Variants in TANC2 observed in about 807,000 individuals in gnomAD.
TANC2 encodes protein TANC2.
A neutral mutation model predicts 210.5 loss-of-function variants in TANC2; 26 were observed. The ratio of observed to expected loss-of-function variants is 0.12; its 90% CI spans 0.09 to 0.17. The LOEUF (loss-of-function observed/expected upper bound fraction) is 0.17, where lower values mean the gene tolerates loss of function less well. Among genes scored for constraint, TANC2 ranks in the 10% least tolerant of loss-of-function variants. TANC2 has a pLI of 1.00. For missense variants in TANC2, 2,129 were observed against 2,608.9 expected (o/e 0.82, Z 4.01); for synonymous variants, 931 against 967.1 (o/e 0.96, Z 0.69).
At chr17:63,023,411 G>C (rs1366666802) in intron 2 of TANC2, among the ~76,000 whole-genome samples, 3 of 152,122 alleles carry the variant, frequency 2.0e-5, no homozygotes, top group African/African-American at 7.2e-5. Flanking sequence ...TAGCTATGTT[G>C]CCCAGACTAG....
chr17:63,101,791 A>G (rs1356194029), intron 4 of TANC2, among the ~76,000 whole-genome samples: 3 of 152,230 alleles, frequency 2.0e-5, no homozygotes, highest in Non-Finnish European at 4.4e-5. Context: ...GTTTCCTTCT[A>G]TGGAATGACT....
intron 9 of TANC2, among the ~76,000 whole-genome samples, chr17:63,312,567 A>T (rs1205862241): frequency 6.6e-6 from 1 of 152,142 alleles, no homozygotes; most frequent in Non-Finnish European, 1.5e-5. Flanking sequence ...GACACTGGGG[A>T]CTGCTAGAAG....
At chr17:63,337,449 T>A (rs1411512115) in intron 11 of TANC2, among the ~76,000 whole-genome samples, 1 of 152,028 alleles carries the variant, frequency 6.6e-6, no homozygotes, top group African/African-American at 2.4e-5. Flanking sequence ...CTTGTTTTTC[T>A]CTATATAGAT....
rs2048939480 is a variant in TANC2 at position 63,418,721 on chromosome 17, C to G, written c.4268+314C>G. 6.6e-6 allele frequency among the ~76,000 whole-genome samples: 1 copy of G among 152,240 alleles called. No individual in the cohort carries two copies. The highest frequency in any genetic ancestry group is 1.5e-5 in the Non-Finnish European group (1 of 68,042). Reference sequence around the variant, plus strand: ...CCCCAGAGCAGCTAGCACAAAGAGACAACGGCGACTTAAAGAAATCACTTA... The same window carrying G: ...CCCCAGAGCAGCTAGCACAAAGAGAGAACGGCGACTTAAAGAAATCACTTA... On this transcript the variant is annotated intron_variant, in intron 27 of 27. Transcript: ENST00000689528. The surrounding 1 kb of genome is among the most constrained non-coding windows in gnomAD (Gnocchi z 4.6).
chr17:63,003,808 T>C (rs2033490602), intron 1 of TANC2, among the ~76,000 whole-genome samples: 1 of 152,222 alleles, frequency 6.6e-6, no homozygotes, highest in Admixed American at 6.5e-5. Flanking sequence ...CCTCCAAATA[T>C]ATGTTTTTTT....
intron 22 of TANC2, 140 bp downstream of exon 22, chr17:63,411,826 A>C (rs1308967808): frequency 7.1e-7 from 1 of 1,399,616 alleles, no homozygotes; most frequent in Non-Finnish European, 9.6e-7. Flanking sequence ...GAGAGCAAGA[A>C]TATTCAAAAT....
chr17:63,274,245 T>G (rs764994009), intron 9 of TANC2, among the ~76,000 whole-genome samples: 66 of 152,246 alleles, frequency 4.3e-4, no homozygotes, highest in Non-Finnish European at 8.5e-4. Context: ...GACAGCTGTT[T>G]TGAACAACTG....
At chr17:63,024,752 A>T (rs2034483441) in intron 2 of TANC2, among the ~76,000 whole-genome samples, 1 of 152,220 alleles carries the variant, frequency 6.6e-6, no homozygotes, top group South Asian at 2.1e-4. Flanking sequence ...GTGAGATATT[A>T]AATGTATTGC....
chr17:63,318,026 A>G (rs1342466751), intron 10 of TANC2, among the ~76,000 whole-genome samples: 1 of 152,186 alleles, frequency 6.6e-6, no homozygotes, highest in Non-Finnish European at 1.5e-5. Flanking sequence ...GCCATCCTCC[A>G]TGCCCACCCC....
At chr17:63,413,728 G>T (rs2048776422) in intron 25 of TANC2, 94 bp downstream of exon 25, 1 of 1,184,718 alleles carries the variant, frequency 8.4e-7, no homozygotes, top group Non-Finnish European at 1.2e-6. Flanking sequence ...CTCATCCTTT[G>T]CGTAGAGGCA....
At chr17:63,306,735 T>A (rs1300326681) in intron 9 of TANC2, among the ~76,000 whole-genome samples, 1 of 152,136 alleles carries the variant, frequency 6.6e-6, no homozygotes, top group East Asian at 1.9e-4. Context: ...TAAGATCACT[T>A]GAGGCCAGGA....
exon 9 of TANC2, chr17:63,267,771 G>T: frequency 6.2e-7 from 1 of 1,612,836 alleles, no homozygotes; most frequent in Non-Finnish European, 8.5e-7. Context: ...CCACTTGGAA[G>T]ACCTTGCTTA....
chr17:63,194,101 G>A (rs750587271), exon 6 of TANC2: 1 of 1,613,460 alleles, frequency 6.2e-7, no homozygotes, highest in East Asian at 2.2e-5. Context: ...AGTTCAGCCA[G>A]GTGACCAATA....
intron 15 of TANC2, among the ~76,000 whole-genome samples, chr17:63,386,816 T>C (rs1288158595): frequency 1.3e-5 from 2 of 152,184 alleles, no homozygotes; most frequent in African/African-American, 4.8e-5. Flanking sequence ...AAAACTGAAA[T>C]GTAGAAGTCT....
At chr17:63,084,618 A>T (rs995644147) in intron 3 of TANC2, among the ~76,000 whole-genome samples, 1 of 151,916 alleles carries the variant, frequency 6.6e-6, no homozygotes, top group Non-Finnish European at 1.5e-5. Context: ...TTTCTTTTCT[A>T]ATATATATTA....
intron 2 of TANC2, among the ~76,000 whole-genome samples, chr17:63,062,765 T>C (rs1328128672): frequency 6.6e-6 from 1 of 152,208 alleles, no homozygotes; most frequent in Non-Finnish European, 1.5e-5. Flanking sequence ...GGATACCTTT[T>C]GTACAAAGGA....
chr17:63,244,512 TTTC>T (rs2042862801), intron 8 of TANC2, among the ~76,000 whole-genome samples: 1 of 152,224 alleles, frequency 6.6e-6, no homozygotes, highest in Non-Finnish European at 1.5e-5. Context: ...CATTTTAATT[TTTC>T]AGTCATAATT....
In TANC2 at chr17:62,979,248, A is replaced by G. The variant is rs150127840; in HGVS notation, c.-24+12499A>G. Among the ~76,000 whole-genome samples the G allele has an allele frequency of 1.3e-4, 20 of 152,232 alleles. No homozygotes were observed. In the East Asian group the frequency reaches 3.3e-3, roughly 25 times the overall value. On this transcript the variant is annotated intron_variant, in intron 1 of 27. Transcript: ENST00000689528. ...TCCCTTTTATATCATGAGAAACCCAATGCTGCCAGTAATTCCTGTCTTTAT... is the reference window on the plus strand; with the variant it reads ...TCCCTTTTATATCATGAGAAACCCAGTGCTGCCAGTAATTCCTGTCTTTAT...
chr17:63,104,494 C>T (rs1389954385), intron 4 of TANC2, among the ~76,000 whole-genome samples: 1 of 152,122 alleles, frequency 6.6e-6, no homozygotes, highest in Non-Finnish European at 1.5e-5. Context: ...TTATAAGGCA[C>T]ATAATCCTTA....
Sources: gnomAD v4.1 joint callset for allele counts (sites outside exome capture counted in the v4.1 genomes callset) on GRCh38, gnomAD v4.1.1 for gene constraint, Gnocchi (gnomAD v3.1) non-coding constraint, MANE v1.5 for transcripts, NCBI Gene and HGNC (gene_info 2026-07-23, HGNC 2026-07-21) for gene names.